Variants in EFNA5 observed in about 807,000 individuals in gnomAD.
EFNA5 encodes the protein ephrin A5.
EFNA5 carries 5 observed loss-of-function variants against 22.9 expected under a neutral mutation model. That is an observed-to-expected ratio of 0.22 (90% confidence interval 0.11 to 0.46). EFNA5 has a LOEUF of 0.46. Ranked by LOEUF, EFNA5 falls within the 20% of genes least tolerant of loss-of-function variation. The pLI is 0.99. For synonymous variants in EFNA5, 113 were observed against 112.2 expected, an observed-to-expected ratio of 1.01 and a Z score of -0.04; for missense variants, 237 against 293.3, an observed-to-expected ratio of 0.81 and a Z score of 1.40.
At chr5:107,568,533 G>A (rs1748710060) in intron 1 of EFNA5, among the ~76,000 whole-genome samples, 2 of 152,176 alleles carry the variant, frequency 1.3e-5, no homozygotes, top group Non-Finnish European at 2.9e-5. Flanking sequence ...CATCAGGAAA[G>A]AAACTGACAG....
intron 1 of EFNA5, among the ~76,000 whole-genome samples, chr5:107,642,841 T>C (rs1424552565): frequency 2.6e-5 from 4 of 150,986 alleles, no homozygotes; most frequent in African/African-American, 7.3e-5. Flanking sequence ...TGGTGGAGAG[T>C]AGGAAGAAGA....
intron 1 of EFNA5, among the ~76,000 whole-genome samples, chr5:107,565,547 C>T (rs1748647623): frequency 6.6e-6 from 1 of 152,076 alleles, no homozygotes; most frequent in Non-Finnish European, 1.5e-5. Flanking sequence ...TACTATGCTC[C>T]TACATTATGT....
intron 1 of EFNA5, among the ~76,000 whole-genome samples, chr5:107,499,955 C>A (rs1380037611): frequency 2.0e-5 from 3 of 152,236 alleles, no homozygotes; most frequent in African/African-American, 7.2e-5. Flanking sequence ...GGGTCACAGT[C>A]TCAGTTCTGC....
At chr5:107,430,770 CTTTCTTTTTTTTTT>C (rs1748931340) in intron 1 of EFNA5, among the ~76,000 whole-genome samples, 2 of 104,782 alleles carry the variant, frequency 1.9e-5, no homozygotes, top group South Asian at 6.2e-4. Context: ...TTATTTCTTT[CTTTCTTTTTTTTTT>C]TTTTTTTTTT....
At chr5:107,386,783 T>A (rs1457461369) in intron 4 of EFNA5, among the ~76,000 whole-genome samples, 2 of 152,218 alleles carry the variant, frequency 1.3e-5, no homozygotes, top group African/African-American at 4.8e-5. Context: ...AAACTAAGTA[T>A]GTTGAATTAG....
chr5:107,408,935 A>G (rs2112398887), intron 2 of EFNA5, among the ~76,000 whole-genome samples: 1 of 152,360 alleles, frequency 6.6e-6, no homozygotes, highest in South Asian at 2.1e-4. Context: ...GTTCTGAAGA[A>G]AGAAGCAAAA....
intron 1 of EFNA5, among the ~76,000 whole-genome samples, chr5:107,541,217 T>C (rs562579704): frequency 6.6e-6 from 1 of 152,264 alleles, no homozygotes; most frequent in African/African-American, 2.4e-5. Context: ...TTAATATAAT[T>C]ACATAATTAT....
chr5:107,387,557 T>A, intron 3 of EFNA5, 149 bp downstream of exon 3: 1 of 672,498 alleles, frequency 1.5e-6, no homozygotes, highest in East Asian at 2.6e-5. Context: ...AGAAAAAATA[T>A]GATGAAAACT....
intron 1 of EFNA5, among the ~76,000 whole-genome samples, chr5:107,501,869 T>A (rs1747144300): frequency 6.6e-6 from 1 of 152,168 alleles, no homozygotes; most frequent in South Asian, 2.1e-4. Flanking sequence ...ATAATAGAAC[T>A]AGATGAAAAA....
chr5:107,520,134 A>G (rs1348379479), intron 1 of EFNA5, among the ~76,000 whole-genome samples: 4 of 152,204 alleles, frequency 2.6e-5, no homozygotes, highest in South Asian at 2.1e-4. Flanking sequence ...TTCAACGGCA[A>G]GAGGGTTTGA....
At chr5:107,381,673 C>T (rs143326248) in intron 4 of EFNA5, among the ~76,000 whole-genome samples, 2,469 of 152,154 alleles carry the variant, frequency 0.016, 29 homozygotes, top group Non-Finnish European at 0.02. Context: ...CAGTCAGACA[C>T]GCCTTGCACA....
At position 107,645,459 on chromosome 5, in the gene EFNA5, A is replaced by G. The variant is rs566119476; in HGVS notation, c.125+25030T>C. On this transcript the variant is annotated intron_variant, in intron 1 of 4. Transcript: ENST00000333274. ...ATGTTAATAACTCTGCCAAATTTAT[A>G]TCTAGCAAATCTTGGTATGTATAAG... Among the ~76,000 whole-genome samples the G allele has an allele frequency of 2.0e-5, 3 of 152,352 alleles. No individual in the cohort carries two copies. In the South Asian group the frequency reaches 6.2e-4, roughly 32 times the overall value.
intron 1 of EFNA5, among the ~76,000 whole-genome samples, chr5:107,556,431 C>G (rs544721717): frequency 6.6e-6 from 1 of 152,292 alleles, no homozygotes; most frequent in Admixed American, 6.5e-5. Flanking sequence ...TGTTCTCCTA[C>G]CCATCATAGT....
chr5:107,432,764 C>T (rs1580448187), intron 1 of EFNA5, among the ~76,000 whole-genome samples: 2 of 152,228 alleles, frequency 1.3e-5, no homozygotes, highest in South Asian at 2.1e-4. Context: ...GGTCAATGTT[C>T]TGTGCAACAT....
chr5:107,419,851 T>C (rs1300550052), intron 2 of EFNA5, among the ~76,000 whole-genome samples: 2 of 152,140 alleles, frequency 1.3e-5, no homozygotes, highest in Admixed American at 1.3e-4. Flanking sequence ...CATTTTTCAA[T>C]AACAAAAGTA....
rs953808665 is a variant in EFNA5, at chr5:107,670,697, CAG to C, written c.-86_-85del. On this transcript the variant is annotated 5_prime_UTR_variant, in exon 1 of 5. Coordinates refer to ENST00000333274, the MANE Select transcript of EFNA5 (RefSeq NM_001962.3). ...GGAGGGAGGGAGGCAGGCAAAGGGA[CAG>C]AGAGAGAGCGGGCGCCAAATAAATA... 90 of 1,527,968 alleles carry C rather than the reference CAG, an allele frequency of 5.9e-5. No individual in the cohort carries two copies. The highest frequency in any genetic ancestry group is 7.6e-5 in the Non-Finnish European group (87 of 1,138,464). 94.7% of individuals were successfully genotyped at this position (1,527,968 alleles called of 1,614,324 possible).
chr5:107,564,423 G>A (rs1414000231), intron 1 of EFNA5, among the ~76,000 whole-genome samples: 1 of 152,118 alleles, frequency 6.6e-6, no homozygotes, highest in African/African-American at 2.4e-5. Flanking sequence ...TGTGCTTGAT[G>A]GTATTAGTTG....
chr5:107,384,245 G>A (rs755885552), intron 4 of EFNA5, among the ~76,000 whole-genome samples: 14 of 152,182 alleles, frequency 9.2e-5, no homozygotes, highest in Admixed American at 2.0e-4. Flanking sequence ...GAAAGAAAAC[G>A]TTCCTCTTCA....
chr5:107,640,379 T>C (rs1022343228), intron 1 of EFNA5, among the ~76,000 whole-genome samples: 1 of 152,198 alleles, frequency 6.6e-6, no homozygotes, highest in Non-Finnish European at 1.5e-5. Flanking sequence ...GCTAAGCATA[T>C]GAGAAAAGCT....
Sources: gnomAD v4.1 joint callset for allele counts (sites outside exome capture counted in the v4.1 genomes callset) on GRCh38, gnomAD v4.1.1 for gene constraint, MANE v1.5 for transcripts, NCBI Gene and HGNC (gene_info 2026-07-23, HGNC 2026-07-21) for gene names.